FARS2: variants seen among roughly 807,000 people sequenced by gnomAD.
The protein encoded by FARS2 is phenylalanyl-tRNA synthetase 2, mitochondrial, also known as phenylalanine--tRNA ligase, mitochondrial.
Under a neutral mutation model 46.4 loss-of-function variants are expected in FARS2, and 40 were observed. That is an observed-to-expected ratio of 0.86 (90% CI 0.67 to 1.12). FARS2 has a LOEUF of 1.12. FARS2 is among the 50% of genes most tolerant of loss of function. The probability of loss-of-function intolerance (pLI) is 0.00; values close to 1 mark genes in which losing one functional copy is unlikely to be tolerated. For missense variants in FARS2, 513 were observed against 567.9 expected, an observed-to-expected ratio of 0.90 and a Z score of 0.98; for synonymous variants, 234 against 214.9, an observed-to-expected ratio of 1.09 and a Z score of -0.78.
intron 4 of FARS2, among the ~76,000 whole-genome samples, chr6:5,487,843 T>TG (rs1766871324): frequency 6.6e-6 from 1 of 152,162 alleles, no homozygotes; most frequent in Admixed American, 6.5e-5. Context: ...TGGCTTTACT[T>TG]GCTTACGTCA....
At chr6:5,660,777 C>G (rs1056938934) in intron 6 of FARS2, among the ~76,000 whole-genome samples, 1 of 152,134 alleles carries the variant, frequency 6.6e-6, no homozygotes, top group South Asian at 2.1e-4. Flanking sequence ...GAAAAGAAAT[C>G]TATGGATCAG....
intron 6 of FARS2, among the ~76,000 whole-genome samples, chr6:5,728,397 C>A (rs1760407753): frequency 1.3e-5 from 2 of 151,994 alleles, no homozygotes; most frequent in South Asian, 2.1e-4. Flanking sequence ...TTTGCTTTGC[C>A]TGTTTTTGGA....
In FARS2 at chr6:5,609,916, G is replaced by C. The variant is rs987221048; in HGVS notation, c.1066-3253G>C. On this transcript the variant is annotated intron_variant, in intron 5 of 6. Coordinates refer to ENST00000274680, the MANE Select transcript of FARS2 (RefSeq NM_006567.5). ...AGTTAAGTGGGCATCTGGTGTTTGA[G>C]AATCTTCTCTTGAGACAGCTCTCTT... 6 of 1,178,380 alleles carry C rather than the reference G, an allele frequency of 5.1e-6. No homozygotes were observed. The African/African-American group carries it at 9.0e-5, about 18-fold the overall frequency. 73.0% of individuals were successfully genotyped at this position (1,178,380 alleles called of 1,614,324 possible). A position where few individuals can be genotyped will look rare whatever the true frequency, so the allele number is the denominator to read the frequency against.
chr6:5,741,900 C>T (rs1393714942), intron 6 of FARS2, among the ~76,000 whole-genome samples: 1 of 152,234 alleles, frequency 6.6e-6, no homozygotes, highest in African/African-American at 2.4e-5. Context: ...GATCCGCCCG[C>T]CTCAGCCTCC....
At chr6:5,595,946 G>T (rs1260848495) in intron 5 of FARS2, among the ~76,000 whole-genome samples, 2 of 152,116 alleles carry the variant, frequency 1.3e-5, no homozygotes, top group African/African-American at 4.8e-5. Flanking sequence ...TTGAAGATGA[G>T]ATAAAGTAAC....
rs1211779934 is a variant in FARS2, at chr6:5,437,385, C to T, written c.904+6213C>T. 3.9e-5 allele frequency among the ~76,000 whole-genome samples: 6 copies of T among 152,288 alleles called. No homozygotes were observed. In the South Asian group the frequency reaches 1.2e-3, roughly 32 times the overall value. ...CAAGGTAATTGAATAGTGTTTAGCT[C>T]TTCTTTCTATGTTTACTGATTTTTT... On this transcript the variant is annotated intron_variant, in intron 4 of 6. Coordinates refer to ENST00000274680, the MANE Select transcript of FARS2 (RefSeq NM_006567.5).
intron 5 of FARS2, chr6:5,609,696 G>GA (rs1327084822): frequency 5.8e-6 from 8 of 1,386,974 alleles, no homozygotes; most frequent in Non-Finnish European, 8.1e-6. Flanking sequence ...TGGCATTTCT[G>GA]AATGACAGTC....
chr6:5,727,178 C>T lies in FARS2; in HGVS notation c.1218-44113C>T, dbSNP rs953388176. 1.3e-5 allele frequency among the ~76,000 whole-genome samples: 2 copies of T among 151,296 alleles called. No individual in the cohort carries two copies. Among genetic ancestry groups the T allele is most frequent in the African/African-American group, 2.4e-5 (1 of 41,336 alleles). On this transcript the variant is annotated intron_variant, in intron 6 of 6. Coordinates refer to ENST00000274680, the MANE Select transcript of FARS2 (RefSeq NM_006567.5). This position sits in a 1 kb window ranked among gnomAD's most constrained non-coding sequence, Gnocchi z 4.1. ...GAAGCTGCTCAGTCAACAGTAACGG[C>T]GGCTGCTGCTGTAGGGGTGGGCATG... is the stretch of plus-strand genomic sequence containing the variant.
At chr6:5,337,013 T>G (rs1771205538) in intron 1 of FARS2, among the ~76,000 whole-genome samples, 1 of 151,718 alleles carries the variant, frequency 6.6e-6, no homozygotes, top group Non-Finnish European at 1.5e-5. Context: ...TTTAAACAGG[T>G]AACAAAACTC....
intron 3 of FARS2, among the ~76,000 whole-genome samples, 192 bp downstream of exon 3, chr6:5,404,893 G>A (rs1435248149): frequency 1.3e-5 from 2 of 150,738 alleles, no homozygotes; most frequent in Non-Finnish European, 3.0e-5. Flanking sequence ...TCCACCTCCC[G>A]GGTTCAAGGA....
intron 2 of FARS2, among the ~76,000 whole-genome samples, chr6:5,378,716 C>T (rs1759551310): frequency 6.6e-6 from 1 of 152,186 alleles, no homozygotes; most frequent in African/African-American, 2.4e-5. Flanking sequence ...CCATGTTTCC[C>T]TAATCTCTTC....
chr6:5,556,594 T>C (rs1194149820), intron 5 of FARS2, among the ~76,000 whole-genome samples: 1 of 151,928 alleles, frequency 6.6e-6, no homozygotes, highest in Non-Finnish European at 1.5e-5. Flanking sequence ...GCTGATTTTT[T>C]TGTGAAAAAG....
intron 6 of FARS2, among the ~76,000 whole-genome samples, chr6:5,688,404 G>A (rs1757420763): frequency 6.6e-6 from 1 of 152,138 alleles, no homozygotes; most frequent in Non-Finnish European, 1.5e-5. Flanking sequence ...AGAGTTTTTA[G>A]CATGAAGTGT....
At chr6:5,707,300 G>GTATTCCAAT (rs1758821121) in intron 6 of FARS2, among the ~76,000 whole-genome samples, 1 of 152,200 alleles carries the variant, frequency 6.6e-6, no homozygotes, top group Non-Finnish European at 1.5e-5. Flanking sequence ...ATATTACATG[G>GTATTCCAAT]ATTTGAAAAA....
At chr6:5,262,866 C>G (rs1765288367) in intron 1 of FARS2, among the ~76,000 whole-genome samples, 1 of 152,224 alleles carries the variant, frequency 6.6e-6, no homozygotes, top group South Asian at 2.1e-4. Context: ...AATCTAGCCT[C>G]TGCTTTATTG....
At chr6:5,403,386 C>T (rs542638202) in intron 2 of FARS2, among the ~76,000 whole-genome samples, 3 of 152,180 alleles carry the variant, frequency 2.0e-5, no homozygotes, top group Non-Finnish European at 4.4e-5. Context: ...GGTTCCACAG[C>T]AAAGCTTTCC....
At chr6:5,462,081 A>G (rs1203821625) in intron 4 of FARS2, among the ~76,000 whole-genome samples, 1 of 152,152 alleles carries the variant, frequency 6.6e-6, no homozygotes, top group African/African-American at 2.4e-5. Flanking sequence ...GTATTATCTG[A>G]CTTTTTGAAA....
intron 4 of FARS2, among the ~76,000 whole-genome samples, chr6:5,457,179 C>T (rs1161031966): frequency 6.6e-6 from 1 of 152,192 alleles, no homozygotes; most frequent in East Asian, 1.9e-4. Flanking sequence ...ATCTGCAGGC[C>T]ATTGTGTGTG....
intron 2 of FARS2, among the ~76,000 whole-genome samples, chr6:5,374,908 T>C (rs923617401): frequency 6.6e-6 from 1 of 152,094 alleles, no homozygotes; most frequent in Non-Finnish European, 1.5e-5. Context: ...ATAAAAACTT[T>C]TAGCAAATTA....
Sources: gnomAD v4.1 joint callset for allele counts (sites outside exome capture counted in the v4.1 genomes callset) on GRCh38, gnomAD v4.1.1 for gene constraint, Gnocchi (gnomAD v3.1) non-coding constraint, MANE v1.5 for transcripts, NCBI Gene and HGNC (gene_info 2026-07-23, HGNC 2026-07-21) for gene names.